The following RHEB variants were observed in gnomAD, a reference collection of about 807,000 sequenced individuals.
RHEB encodes the protein Ras homolog, mTORC1 binding, also known as GTP-binding protein Rheb.
In RHEB, 2 loss-of-function variants were observed where a neutral mutation model predicts 28.8. The ratio of observed to expected loss-of-function variants is 0.07; its 90% CI spans 0.03 to 0.22. The LOEUF is 0.22. RHEB is among the 10% of genes least tolerant of loss of function. The pLI, the probability that RHEB is intolerant of heterozygous loss-of-function variation, is 1.00. For synonymous variants in RHEB, 69 were observed against 77.3 expected (o/e 0.89, Z 0.56); for missense variants, 76 against 219.9 (o/e 0.35, Z 4.14).
chr7:151,492,838 A>ATT (rs538597333), intron 1 of RHEB, among the ~76,000 whole-genome samples: 2,560 of 125,144 alleles, frequency 0.02, 113 homozygotes, highest in African/African-American at 0.058. Context: ...AATTCTCAAC[A>ATT]TTTTTTTTTT....
At chr7:151,505,643 A>G (rs1802859202) in intron 1 of RHEB, among the ~76,000 whole-genome samples, 1 of 152,206 alleles carries the variant, frequency 6.6e-6, no homozygotes, top group Admixed American at 6.5e-5. Context: ...CAGCAATATC[A>G]CACCTAGGTA....
At chr7:151,496,102 A>AT (rs1802667583) in intron 1 of RHEB, among the ~76,000 whole-genome samples, 1 of 152,226 alleles carries the variant, frequency 6.6e-6, no homozygotes, top group South Asian at 2.1e-4. Context: ...TCTAGGACAC[A>AT]ACCCATTCCA....
intron 7 of RHEB, 67 bp downstream of exon 7, chr7:151,470,504 C>T (rs547037386): frequency 3.7e-6 from 4 of 1,094,386 alleles, no homozygotes; most frequent in East Asian, 2.4e-5. Context: ...CAAATGCCAA[C>T]TGCAAGGAAC....
chr7:151,512,112 G>T (rs576877376), intron 1 of RHEB, among the ~76,000 whole-genome samples: 1 of 152,168 alleles, frequency 6.6e-6, no homozygotes, highest in African/African-American at 2.4e-5. Flanking sequence ...AAGAATGAAG[G>T]TTCCTTCAAG....
At chr7:151,507,266 C>T (rs1263978170) in intron 1 of RHEB, among the ~76,000 whole-genome samples, 2 of 152,206 alleles carry the variant, frequency 1.3e-5, no homozygotes, top group Non-Finnish European at 2.9e-5. Context: ...CAATCATATG[C>T]TTAACAATCG....
chr7:151,486,565 G>A (rs964480135), intron 2 of RHEB, among the ~76,000 whole-genome samples: 8 of 152,152 alleles, frequency 5.3e-5, no homozygotes, highest in Non-Finnish European at 1.0e-4. Flanking sequence ...CAGAGAGAAC[G>A]GTAGATAGCT....
Position 151,472,650 on chromosome 7 carries a change from T to A in RHEB, c.276-1045A>T, listed in dbSNP as rs1802183859. On this transcript the variant is annotated intron_variant, in intron 4 of 7. Coordinates refer to ENST00000262187, the MANE Select transcript of RHEB (RefSeq NM_005614.4). The surrounding 1 kb of genome is among the most constrained non-coding windows in gnomAD (Gnocchi z 5.2). ...TTTCTTGGCAGCATGGTCACAGACA[T>A]CCTATCTCGCATGTGTGTCGTTTTA... Among the ~76,000 whole-genome samples the A allele has an allele frequency of 6.6e-6, 1 of 152,152 alleles. No homozygotes were observed. Among genetic ancestry groups the A allele is most frequent in the Admixed American group, 6.5e-5 (1 of 15,276 alleles).
At chr7:151,488,660 A>G (rs956259881) in intron 2 of RHEB, among the ~76,000 whole-genome samples, 11 of 152,254 alleles carry the variant, frequency 7.2e-5, no homozygotes, top group Non-Finnish European at 1.6e-4. Context: ...TAATGGATAC[A>G]TATTCATATT....
At chr7:151,518,408 C>T (rs1803120016) in intron 1 of RHEB, among the ~76,000 whole-genome samples, 1 of 152,270 alleles carries the variant, frequency 6.6e-6, no homozygotes, top group Middle Eastern at 3.4e-3. Flanking sequence ...TCGGAACCCT[C>T]GCTTTCACCT....
Position 151,519,718 on chromosome 7 carries a change from C to A in RHEB, c.-207G>T, listed in dbSNP as rs1017803534. On this transcript the variant is annotated 5_prime_UTR_variant, in exon 1 of 8. Coordinates refer to ENST00000262187, the MANE Select transcript of RHEB (RefSeq NM_005614.4). ...CGGCGCCCCTCCCCCCCACAACACG[C>A]CCACGTGACCGGCCGGCGTCAGCAC... 3.1e-5 allele frequency: 11 copies of A among 359,324 alleles called. No homozygotes were observed. Among genetic ancestry groups the A allele is most frequent in the Non-Finnish European group, 5.4e-5 (11 of 202,170 alleles). 22.3% of individuals were successfully genotyped at this position (359,324 alleles called of 1,614,324 possible).
chr7:151,470,529 G>T, intron 7 of RHEB, 42 bp downstream of exon 7: 1 of 1,358,322 alleles, frequency 7.4e-7, no homozygotes, highest in Non-Finnish European at 1.1e-6. Flanking sequence ...CCCTGCGACT[G>T]ATGAGAACGC....
chr7:151,480,744 G>GTTAC (rs1802369023), intron 3 of RHEB, among the ~76,000 whole-genome samples: 1 of 151,226 alleles, frequency 6.6e-6, no homozygotes, highest in Non-Finnish European at 1.5e-5. Flanking sequence ...GAGGGCAATG[G>GTTAC]TGCAATCTTG....
chr7:151,510,173 C>G (rs1349414416), intron 1 of RHEB, among the ~76,000 whole-genome samples: 3 of 152,216 alleles, frequency 2.0e-5, no homozygotes, highest in Non-Finnish European at 4.4e-5. Flanking sequence ...GTGAGCCACA[C>G]TGCCTTTCCT....
chr7:151,508,500 T>C (rs1791213548), intron 1 of RHEB, among the ~76,000 whole-genome samples: 1 of 152,190 alleles, frequency 6.6e-6, no homozygotes, highest in Non-Finnish European at 1.5e-5. Context: ...TGTACAAATA[T>C]CAACAATATC....
At chr7:151,503,223 C>G in intron 1 of RHEB, 1 of 784,150 alleles carries the variant, frequency 1.3e-6, no homozygotes, top group Non-Finnish European at 2.4e-6. Flanking sequence ...AATCTCATTT[C>G]ACAGACAAAG....
intron 1 of RHEB, among the ~76,000 whole-genome samples, chr7:151,512,117 T>C (rs1803002761): frequency 6.6e-6 from 1 of 152,242 alleles, no homozygotes; most frequent in Non-Finnish European, 1.5e-5. Context: ...TGAAGGTTCC[T>C]TCAAGTATGA....
intron 3 of RHEB, among the ~76,000 whole-genome samples, chr7:151,480,775 C>A (rs1453369726): frequency 1.3e-5 from 2 of 151,996 alleles, no homozygotes; most frequent in East Asian, 3.9e-4. Flanking sequence ...ACCTCCGCCT[C>A]CTGGGTTCAA....
Position 151,472,348 on chromosome 7 carries a change from G to A in RHEB, c.276-743C>T, listed in dbSNP as rs1802177275. 6.6e-6 allele frequency among the ~76,000 whole-genome samples: 1 copy of A among 151,944 alleles called. No homozygotes were observed. The highest frequency in any genetic ancestry group is 2.4e-5 in the African/African-American group (1 of 41,366). ...AGTTCCACAGCCCCAACCCTTCCCC[G>A]CCACCCCTGCTCAGCACAGCAACCA... On this transcript the variant is annotated intron_variant, in intron 4 of 7. Transcript: ENST00000262187. This position sits in a 1 kb window ranked among gnomAD's most constrained non-coding sequence, Gnocchi z 5.2.
chr7:151,496,039 G>A (rs1027804668), intron 1 of RHEB, among the ~76,000 whole-genome samples: 1 of 152,158 alleles, frequency 6.6e-6, no homozygotes, highest in Non-Finnish European at 1.5e-5. Flanking sequence ...CTATTAACTA[G>A]TCTATCAAGG....
Sources: gnomAD v4.1 joint callset for allele counts (sites outside exome capture counted in the v4.1 genomes callset) on GRCh38, gnomAD v4.1.1 for gene constraint, Gnocchi (gnomAD v3.1) non-coding constraint, MANE v1.5 for transcripts, NCBI Gene and HGNC (gene_info 2026-07-23, HGNC 2026-07-21) for gene names.